SGCZ: variants seen among roughly 807,000 people sequenced by gnomAD.
SGCZ encodes zeta-sarcoglycan.
In SGCZ, 40 loss-of-function variants were observed where a neutral mutation model predicts 41.3. That is an observed-to-expected ratio of 0.97 (90% CI 0.75 to 1.26). The LOEUF is 1.26. Among genes scored for constraint, SGCZ ranks in the 50% most tolerant of loss-of-function variants. The probability of loss-of-function intolerance (pLI) is 0.00; values close to 1 mark genes in which losing one functional copy is unlikely to be tolerated. For synonymous variants in SGCZ, 206 were observed against 137.5 expected (o/e 1.50, Z -3.49); for missense variants, 552 against 369.8 (o/e 1.49, Z -4.04).
intron 1 of SGCZ, among the ~76,000 whole-genome samples, chr8:14,647,947 T>A (rs181373989): frequency 4.7e-4 from 72 of 152,136 alleles, no homozygotes; most frequent in Non-Finnish European, 8.4e-4. Context: ...GAGACAGTTC[T>A]ATTTAACCAA....
At chr8:14,759,448 A>G (rs1253053076) in intron 1 of SGCZ, among the ~76,000 whole-genome samples, 1 of 152,220 alleles carries the variant, frequency 6.6e-6, no homozygotes, top group East Asian at 1.9e-4. Flanking sequence ...TAACCACAAC[A>G]CATTTAATAT....
chr8:14,242,561 A>G (rs1471147122), intron 3 of SGCZ, among the ~76,000 whole-genome samples: 1 of 152,196 alleles, frequency 6.6e-6, no homozygotes. Context: ...GGATTAAATG[A>G]GACAACATAT....
intron 1 of SGCZ, among the ~76,000 whole-genome samples, chr8:14,753,169 T>C (rs1799552612): frequency 6.6e-6 from 1 of 152,182 alleles, no homozygotes; most frequent in Non-Finnish European, 1.5e-5. Context: ...AGCCTGATAC[T>C]TGGCCTGTTT....
chr8:14,403,194 G>A (rs1799124964), intron 2 of SGCZ, among the ~76,000 whole-genome samples: 1 of 150,102 alleles, frequency 6.7e-6, no homozygotes, highest in Non-Finnish European at 1.5e-5. Flanking sequence ...TTTGGGCTGA[G>A]ACGATGGGGT....
chr8:14,183,644 A>C (rs1052749306), intron 4 of SGCZ, among the ~76,000 whole-genome samples: 8 of 152,192 alleles, frequency 5.3e-5, no homozygotes, highest in African/African-American at 7.2e-5. Flanking sequence ...ACAAAATTTA[A>C]CACCACCCAT....
At chr8:15,058,822 G>A (rs1247250943) in intron 1 of SGCZ, among the ~76,000 whole-genome samples, 1 of 152,064 alleles carries the variant, frequency 6.6e-6, no homozygotes, top group Non-Finnish European at 1.5e-5. Flanking sequence ...TTTTACAACT[G>A]CAATTGGAAA....
chr8:14,626,031 A>G (rs1287242843), intron 1 of SGCZ, among the ~76,000 whole-genome samples: 1 of 152,232 alleles, frequency 6.6e-6, no homozygotes, highest in Non-Finnish European at 1.5e-5. Flanking sequence ...TAGGGCAGAC[A>G]TATGAGGAAT....
intron 3 of SGCZ, among the ~76,000 whole-genome samples, chr8:14,293,076 A>G (rs1037433717): frequency 3.4e-4 from 52 of 152,062 alleles, no homozygotes; most frequent in African/African-American, 1.0e-3. Flanking sequence ...TGACCCTACA[A>G]ATTTTTCAAA....
At chr8:14,670,598 T>C (rs1245071767) in intron 1 of SGCZ, among the ~76,000 whole-genome samples, 1 of 152,188 alleles carries the variant, frequency 6.6e-6, no homozygotes, top group Admixed American at 6.6e-5. Flanking sequence ...AAAATGTTCT[T>C]ACACCTGAGG....
chr8:14,586,245 A>AC (rs1805053098), intron 1 of SGCZ, among the ~76,000 whole-genome samples: 1 of 151,852 alleles, frequency 6.6e-6, no homozygotes, highest in South Asian at 2.1e-4. Flanking sequence ...TCAGAGTCTC[A>AC]CTCTGTCACC....
At chr8:14,610,767 G>A (rs1805902239) in intron 1 of SGCZ, among the ~76,000 whole-genome samples, 1 of 152,154 alleles carries the variant, frequency 6.6e-6, no homozygotes, top group African/African-American at 2.4e-5. Context: ...GAGAGGGAAG[G>A]CTCAAACGTG....
intron 1 of SGCZ, among the ~76,000 whole-genome samples, chr8:14,837,909 T>A (rs921822356): frequency 6.6e-6 from 1 of 152,174 alleles, no homozygotes. Context: ...ATTTACTGTT[T>A]CCTTGTGTTA....
At chr8:14,960,927 A>G (rs1307121263) in intron 1 of SGCZ, among the ~76,000 whole-genome samples, 1 of 114,568 alleles carries the variant, frequency 8.7e-6, no homozygotes, top group East Asian at 2.5e-4. Flanking sequence ...ACTGCAAGGA[A>G]ATGGCACACA....
At chr8:14,616,243 A>G (rs893581019) in intron 1 of SGCZ, among the ~76,000 whole-genome samples, 12 of 151,308 alleles carry the variant, frequency 7.9e-5, no homozygotes, top group Non-Finnish European at 1.6e-4. Flanking sequence ...AGATCGCATC[A>G]CTGCACTCCA....
intron 1 of SGCZ, among the ~76,000 whole-genome samples, chr8:14,848,868 G>A (rs1306562465): frequency 1.3e-5 from 2 of 152,090 alleles, no homozygotes; most frequent in East Asian, 3.8e-4. Flanking sequence ...GAAAACTTTT[G>A]CTCTTTAAAT....
chr8:14,525,985 A>C (rs1170996534), intron 2 of SGCZ, among the ~76,000 whole-genome samples: 1 of 152,150 alleles, frequency 6.6e-6, no homozygotes, highest in Admixed American at 6.6e-5. Context: ...GTTAAGAAAA[A>C]AAAAAGCAGT....
chr8:14,650,209 A>T (rs1165237197), intron 1 of SGCZ, among the ~76,000 whole-genome samples: 1 of 152,038 alleles, frequency 6.6e-6, no homozygotes, highest in East Asian at 1.9e-4. Context: ...GATAACAGAC[A>T]CTACAGCCAG....
rs188509200 is a variant in SGCZ at position 14,713,789 on chromosome 8, T to C, written c.40-158863A>G. On this transcript the variant is annotated intron_variant, in intron 1 of 7. Coordinates refer to ENST00000382080, the MANE Select transcript of SGCZ (RefSeq NM_139167.4). Reference sequence around the variant, plus strand: ...TTATATTATTTATGTTAATTTGTTATTGTCACTAAGATTTTAAGTGTAATT... The same window carrying C: ...TTATATTATTTATGTTAATTTGTTACTGTCACTAAGATTTTAAGTGTAATT... Among the ~76,000 whole-genome samples, 11 of 152,230 alleles carry C rather than the reference T, an allele frequency of 7.2e-5. No homozygotes were observed. The East Asian group carries it at 1.9e-3, about 27-fold the overall frequency.
At chr8:14,747,414 G>A (rs1799367111) in intron 1 of SGCZ, among the ~76,000 whole-genome samples, 1 of 152,036 alleles carries the variant, frequency 6.6e-6, no homozygotes, top group African/African-American at 2.4e-5. Context: ...ACAATACGGT[G>A]ACAAAACCAA....
Sources: gnomAD v4.1 joint callset for allele counts (sites outside exome capture counted in the v4.1 genomes callset) on GRCh38, gnomAD v4.1.1 for gene constraint, MANE v1.5 for transcripts, NCBI Gene and HGNC (gene_info 2026-07-23, HGNC 2026-07-21) for gene names.